Variants in POLA1 observed in about 807,000 individuals in gnomAD.
POLA1 encodes DNA polymerase alpha catalytic subunit.
POLA1 carries 15 observed loss-of-function variants against 124.0 expected under a neutral mutation model. The ratio of observed to expected loss-of-function variants is 0.12; its 90% confidence interval spans 0.08 to 0.19. The LOEUF is 0.19. POLA1 is among the 10% of genes least tolerant of loss of function. The pLI is 1.00. For missense variants in POLA1, 886 were observed against 1,103.4 expected, an observed-to-expected ratio of 0.80 and a Z score of 2.79; for synonymous variants, 408 against 389.4, an observed-to-expected ratio of 1.05 and a Z score of -0.56.
chrX:24,801,887 T>A (rs2045709836), intron 26 of POLA1, among the ~76,000 whole-genome samples: 1 of 102,404 alleles, frequency 9.8e-6, no homozygotes, highest in Non-Finnish European at 2.0e-5. Flanking sequence ...TATATTAGGG[T>A]TTTCCAGAGA....
At chrX:24,777,600 C>T (rs1297836495) in intron 26 of POLA1, among the ~76,000 whole-genome samples, 2 of 112,435 alleles carry the variant, frequency 1.8e-5, no homozygotes, top group African/African-American at 6.5e-5. Context: ...CACAGGTGCA[C>T]TACGCAATTC....
At chrX:24,817,621 A>G (rs948739329) in intron 30 of POLA1, among the ~76,000 whole-genome samples, 1 of 109,394 alleles carries the variant, frequency 9.1e-6, no homozygotes. Context: ...AAAAAAAAAA[A>G]AAAAAGAAAA....
At chrX:24,821,069 C>G (rs1458883650) in intron 30 of POLA1, among the ~76,000 whole-genome samples, 1 of 111,933 alleles carries the variant, frequency 8.9e-6, no homozygotes, top group African/African-American at 3.2e-5. Flanking sequence ...CTTTGAGAAA[C>G]AATCATTAAG....
At chrX:24,958,705 A>G (rs2048135880) in intron 36 of POLA1, among the ~76,000 whole-genome samples, 1 of 112,111 alleles carries the variant, frequency 8.9e-6, no homozygotes, top group Non-Finnish European at 1.9e-5. Flanking sequence ...CATGAACATC[A>G]GTTTAGAAAA....
At chrX:24,949,138 G>A (rs1283787064) in intron 36 of POLA1, among the ~76,000 whole-genome samples, 1 of 111,991 alleles carries the variant, frequency 8.9e-6, no homozygotes, top group African/African-American at 3.2e-5. Context: ...GGGACCACAT[G>A]GGAAGAAGTA....
At chrX:24,960,119 G>T (rs1373808755) in intron 36 of POLA1, among the ~76,000 whole-genome samples, 1 of 111,240 alleles carries the variant, frequency 9.0e-6, no homozygotes, top group Non-Finnish European at 1.9e-5. Context: ...GATTCAGCTG[G>T]TAGGTTGCCA....
intron 34 of POLA1, among the ~76,000 whole-genome samples, chrX:24,854,697 C>T (rs1438724407): frequency 9.1e-6 from 1 of 110,334 alleles, no homozygotes; most frequent in Non-Finnish European, 1.9e-5. Flanking sequence ...GGCGTCTTCG[C>T]ACATGCCTGT....
intron 36 of POLA1, among the ~76,000 whole-genome samples, chrX:24,933,982 A>G (rs1418117283): frequency 1.8e-5 from 2 of 112,156 alleles, no homozygotes; most frequent in Non-Finnish European, 3.8e-5. Flanking sequence ...TGGCATTATT[A>G]TTGTAACTGC....
intron 35 of POLA1, among the ~76,000 whole-genome samples, chrX:24,915,975 A>G (rs183106493): frequency 2.0e-4 from 23 of 112,437 alleles, no homozygotes; most frequent in African/African-American, 6.5e-4. Flanking sequence ...CAGACCTGCT[A>G]GAGCTCAGAT....
chrX:24,846,821 G>T (rs2046483438), intron 34 of POLA1, among the ~76,000 whole-genome samples: 1 of 111,884 alleles, frequency 8.9e-6, no homozygotes, highest in African/African-American at 3.2e-5. Context: ...CTCACTAACT[G>T]CCCTGGTTAA....
intron 34 of POLA1, among the ~76,000 whole-genome samples, chrX:24,859,855 C>A (rs951143207): frequency 1.2e-4 from 14 of 112,739 alleles, no homozygotes; most frequent in South Asian, 7.3e-4. Flanking sequence ...ACTTCACAGC[C>A]AGTGGATGGC....
intron 35 of POLA1, among the ~76,000 whole-genome samples, chrX:24,903,202 T>G (rs1269192244): frequency 8.8e-6 from 1 of 113,070 alleles, no homozygotes; most frequent in Non-Finnish European, 1.9e-5. Flanking sequence ...CATGTTGTGT[T>G]CAAACTGTTC....
intron 36 of POLA1, among the ~76,000 whole-genome samples, chrX:24,933,618 C>G (rs891637948): frequency 8.9e-6 from 1 of 112,195 alleles, no homozygotes; most frequent in African/African-American, 3.2e-5. Flanking sequence ...GCAACATTTC[C>G]TTCACTAAGA....
At chrX:24,932,539 G>A (rs1482600550) in intron 36 of POLA1, among the ~76,000 whole-genome samples, 1 of 112,103 alleles carries the variant, frequency 8.9e-6, no homozygotes, top group Non-Finnish European at 1.9e-5. Flanking sequence ...AGAGTTTACT[G>A]TAGTCCCATT....
chrX:24,868,130 C>T (rs2046818668), intron 34 of POLA1, among the ~76,000 whole-genome samples: 1 of 111,888 alleles, frequency 8.9e-6, no homozygotes, highest in Non-Finnish European at 1.9e-5. Context: ...AACATAATGG[C>T]AGTTCTCTGT....
intron 36 of POLA1, among the ~76,000 whole-genome samples, chrX:24,946,196 C>T (rs772918498): frequency 1.3e-4 from 15 of 111,171 alleles, no homozygotes; most frequent in Non-Finnish European, 2.8e-4. Flanking sequence ...ACCATTCCCA[C>T]CTCCTGTCCT....
rs947952287 is a variant in POLA1, at chrX:24,705,700, C to G, written c.346+1231C>G. On this transcript the variant is annotated intron_variant, in intron 4 of 36. Coordinates refer to ENST00000379068, the MANE Select transcript of POLA1 (RefSeq NM_001330360.2). ...GTGTAGAACAGCAACACCTCCCCCC[C>G]TCCCCTGCCCCTGGCCTCTTTTTGT... Among the ~76,000 whole-genome samples the G allele has an allele frequency of 8.1e-5, 9 of 110,472 alleles. No homozygotes were observed. The East Asian group carries it at 8.5e-4, about 10-fold the overall frequency.
chrX:24,798,688 C>T (rs1028376182), intron 26 of POLA1, among the ~76,000 whole-genome samples: 2 of 110,506 alleles, frequency 1.8e-5, no homozygotes, highest in Admixed American at 9.7e-5. Flanking sequence ...TTCTGGTCAA[C>T]GGTAGACTAT....
intron 34 of POLA1, among the ~76,000 whole-genome samples, chrX:24,844,416 T>G (rs753430451): frequency 9.1e-6 from 1 of 110,497 alleles, no homozygotes; most frequent in South Asian, 3.9e-4. Context: ...CTAAACAAAT[T>G]TTCTGTTACT....
Sources: gnomAD v4.1 joint callset for allele counts (sites outside exome capture counted in the v4.1 genomes callset) on GRCh38, gnomAD v4.1.1 for gene constraint, MANE v1.5 for transcripts, NCBI Gene and HGNC (gene_info 2026-07-23, HGNC 2026-07-21) for gene names.